ARHGEF3: variants seen among roughly 807,000 people sequenced by gnomAD.
ARHGEF3 encodes the protein Rho guanine nucleotide exchange factor 3.
ARHGEF3 carries 28 observed loss-of-function variants against 63.2 expected under a neutral mutation model. The observed-to-expected ratio is 0.44, with a 90% CI of 0.33 to 0.61. The LOEUF is 0.61. ARHGEF3 is among the 20% of genes least tolerant of loss of function. The pLI, the probability that ARHGEF3 is intolerant of heterozygous loss-of-function variation, is 0.03. For synonymous variants in ARHGEF3, 266 were observed against 254.2 expected, an observed-to-expected ratio of 1.05 and a Z score of -0.44; for missense variants, 533 against 659.3, an observed-to-expected ratio of 0.81 and a Z score of 2.10.
chr3:56,830,787 G>A (rs556431712), intron 4 of ARHGEF3, among the ~76,000 whole-genome samples: 45 of 152,258 alleles, frequency 3.0e-4, no homozygotes, highest in Admixed American at 2.6e-3. Context: ...TGTGCCGGCT[G>A]TTTCCTCTGC....
At chr3:56,801,663 A>AGAT (rs1294230805) in intron 1 of ARHGEF3, 40 bp downstream of exon 1, 1 of 1,546,926 alleles carries the variant, frequency 6.5e-7, no homozygotes, top group Admixed American at 2.0e-5. Flanking sequence ...CGAGACAGGC[A>AGAT]GATGACCCAT....
At chr3:56,853,598 G>A (rs1176789307) in intron 4 of ARHGEF3, among the ~76,000 whole-genome samples, 1 of 152,156 alleles carries the variant, frequency 6.6e-6, no homozygotes, top group African/African-American at 2.4e-5. Flanking sequence ...GTCTCCCAAA[G>A]TGCTGGGATT....
intron 4 of ARHGEF3, among the ~76,000 whole-genome samples, chr3:56,860,337 A>G (rs1322183700): frequency 2.0e-5 from 3 of 151,982 alleles, no homozygotes; most frequent in Admixed American, 1.3e-4. Flanking sequence ...GTGTGCAACC[A>G]TGGCCAGCTG....
At chr3:56,997,532 C>T (rs992170714) in intron 2 of ARHGEF3, among the ~76,000 whole-genome samples, 2 of 152,170 alleles carry the variant, frequency 1.3e-5, no homozygotes, top group Non-Finnish European at 2.9e-5. Flanking sequence ...GCAAGAAGGC[C>T]TGGGCAAAAG....
chr3:57,007,449 C>G (rs1702511727), intron 2 of ARHGEF3: 1 of 1,105,714 alleles, frequency 9.0e-7, no homozygotes, highest in Non-Finnish European at 1.2e-6. Context: ...AGAATTTGGT[C>G]TTCCAGGTGA....
intron 3 of ARHGEF3, among the ~76,000 whole-genome samples, chr3:56,892,737 CAA>C (rs1560026848): frequency 6.6e-6 from 1 of 152,206 alleles, no homozygotes; most frequent in Non-Finnish European, 1.5e-5. Flanking sequence ...CCTGAATTTA[CAA>C]AGACAGTTGT....
chr3:56,985,883 G>A (rs1701516757), intron 2 of ARHGEF3, among the ~76,000 whole-genome samples: 1 of 152,216 alleles, frequency 6.6e-6, no homozygotes, highest in Non-Finnish European at 1.5e-5. Flanking sequence ...GGGGCAATGT[G>A]ATGCCGCCTG....
At position 56,955,435 on chromosome 3, in the gene ARHGEF3, T is replaced by G. The variant is rs1163508248; in HGVS notation, c.129+3388A>C. On this transcript the variant is annotated intron_variant, in intron 3 of 12. Transcript: ENST00000338458. Reference sequence around the variant, plus strand: ...CCAGGCTGGTCTTGAACTCCTGGGCTCAAATGATTCTCCTGCCTCAGCCTC... The same window carrying G: ...CCAGGCTGGTCTTGAACTCCTGGGCGCAAATGATTCTCCTGCCTCAGCCTC... Among the ~76,000 whole-genome samples the G allele has an allele frequency of 2.6e-5, 4 of 152,102 alleles. No individual in the cohort carries two copies. The South Asian group carries it at 8.3e-4, about 32-fold the overall frequency.
chr3:56,801,111 G>A (rs188971450), intron 1 of ARHGEF3, among the ~76,000 whole-genome samples: 1 of 152,326 alleles, frequency 6.6e-6, no homozygotes, highest in East Asian at 1.9e-4. Flanking sequence ...GATCCATGTG[G>A]GAGACACTCC....
chr3:56,847,942 C>T (rs1309336941), intron 4 of ARHGEF3, among the ~76,000 whole-genome samples: 1 of 152,106 alleles, frequency 6.6e-6, no homozygotes, highest in Non-Finnish European at 1.5e-5. Context: ...GTGCTATGCA[C>T]TGTGGTTAGG....
chr3:56,892,880 C>A (rs570771294), intron 3 of ARHGEF3, among the ~76,000 whole-genome samples: 6 of 152,318 alleles, frequency 3.9e-5, no homozygotes, highest in African/African-American at 1.4e-4. Context: ...ACGGGCAGGC[C>A]TTTAACCCTA....
At chr3:56,967,947 T>C (rs1345542651) in intron 2 of ARHGEF3, among the ~76,000 whole-genome samples, 1 of 66,442 alleles carries the variant, frequency 1.5e-5, no homozygotes, top group Non-Finnish European at 2.6e-5. Flanking sequence ...ATATATTATA[T>C]ATTATATATA....
At chr3:57,040,277 A>G (rs958061063) in intron 1 of ARHGEF3, among the ~76,000 whole-genome samples, 2 of 152,074 alleles carry the variant, frequency 1.3e-5, no homozygotes, top group Non-Finnish European at 2.9e-5. Flanking sequence ...GGACATTGAG[A>G]CCAACCTGGC....
At chr3:56,974,552 T>C (rs1701048013) in intron 2 of ARHGEF3, among the ~76,000 whole-genome samples, 1 of 152,236 alleles carries the variant, frequency 6.6e-6, no homozygotes, top group Non-Finnish European at 1.5e-5. Flanking sequence ...AGAGGTCTTC[T>C]GGAAATCTAA....
chr3:57,015,466 C>T (rs1702952053), intron 2 of ARHGEF3, among the ~76,000 whole-genome samples: 1 of 152,004 alleles, frequency 6.6e-6, no homozygotes, highest in South Asian at 2.1e-4. Context: ...TTTATTTTTT[C>T]TCTGTTGCCC....
intron 4 of ARHGEF3, among the ~76,000 whole-genome samples, chr3:56,822,871 G>A (rs1017102097): frequency 7.2e-6 from 1 of 138,492 alleles, no homozygotes; most frequent in South Asian, 2.3e-4. Flanking sequence ...AAAAAATCAC[G>A]GTGTATCAGA....
chr3:56,946,757 A>C (rs915133272), intron 3 of ARHGEF3, among the ~76,000 whole-genome samples: 6 of 152,328 alleles, frequency 3.9e-5, no homozygotes, highest in Admixed American at 1.3e-4. Flanking sequence ...CCAACATTCA[A>C]ATTCAGGAAA....
chr3:56,896,092 G>A (rs193291478), intron 3 of ARHGEF3, among the ~76,000 whole-genome samples: 4 of 152,282 alleles, frequency 2.6e-5, no homozygotes, highest in Admixed American at 6.5e-5. Context: ...GAGGAACAAA[G>A]GAACACAGGC....
At chr3:56,962,432 C>T (rs754911924) in intron 2 of ARHGEF3, among the ~76,000 whole-genome samples, 12 of 152,212 alleles carry the variant, frequency 7.9e-5, no homozygotes, top group Non-Finnish European at 1.5e-4. Context: ...GCGTGTCTAT[C>T]GTCTGTGTCC....
Sources: gnomAD v4.1 joint callset for allele counts (sites outside exome capture counted in the v4.1 genomes callset) on GRCh38, gnomAD v4.1.1 for gene constraint, MANE v1.5 for transcripts, NCBI Gene and HGNC (gene_info 2026-07-23, HGNC 2026-07-21) for gene names.